Variants in RBFOX1 observed in about 807,000 individuals in gnomAD.
RBFOX1 encodes RNA binding protein fox-1 homolog 1.
In RBFOX1, 8 loss-of-function variants were observed where a neutral mutation model predicts 57.7. The observed-to-expected ratio is 0.14, with a 90% CI of 0.08 to 0.25. The LOEUF (loss-of-function observed/expected upper bound fraction) is 0.25. RBFOX1 is among the 10% of genes least tolerant of loss of function. RBFOX1 has a pLI of 1.00. For synonymous variants in RBFOX1, 326 were observed against 222.4 expected (o/e 1.47, Z -4.15); for missense variants, 611 against 548.5 (o/e 1.11, Z -1.14).
chr16:6,097,078 T>TGGC lies in RBFOX1; in HGVS notation c.-127+77088_-127+77089insCGG, dbSNP rs1386451550. ...GGTGGTTTCCCCCATACTGTTGTCA[T>TGGC]GGTGGTGAGTAAGTCTTACTAGATC... On this transcript the variant is annotated intron_variant, in intron 1 of 15. Transcript: ENST00000550418. The surrounding 1 kb of genome is among the most constrained non-coding windows in gnomAD (Gnocchi z 5.0). Among the ~76,000 whole-genome samples the TGGC allele has an allele frequency of 2.0e-5, 3 of 152,178 alleles. No individual in the cohort carries two copies. In the East Asian group the frequency reaches 5.8e-4, roughly 29 times the overall value.
At chr16:6,550,139 C>G (rs2096963427) in intron 2 of RBFOX1, among the ~76,000 whole-genome samples, 2 of 151,998 alleles carry the variant, frequency 1.3e-5, no homozygotes, top group Non-Finnish European at 2.9e-5. Flanking sequence ...CTCTCCCTCC[C>G]CTCTCTCTAT....
chr16:5,928,264 A>G (rs2058976140), intron 4 of RBFOX1, among the ~76,000 whole-genome samples: 1 of 151,816 alleles, frequency 6.6e-6, no homozygotes, highest in South Asian at 2.1e-4. Context: ...AATTGTTTGT[A>G]GAGACGGGGG....
rs112147662 is a variant in RBFOX1 at position 6,817,126 on chromosome 16, C to T, written c.-16+162476C>T. ...GTGGATACAGAACTGATGTATTAAC[C>T]TTTGACATGGCTGCAACCTGCTGAG... On this transcript the variant is annotated intron_variant, in intron 3 of 15. Coordinates refer to ENST00000550418, the MANE Select transcript of RBFOX1 (RefSeq NM_018723.4). Among the ~76,000 whole-genome samples the T allele has an allele frequency of 1.5e-3, 232 of 152,208 alleles. 1 individual carries two copies. The highest frequency in any genetic ancestry group is 5.4e-3 in the African/African-American group (224 of 41,534).
At chr16:7,705,364 G>A (rs1431006531) in intron 14 of RBFOX1, among the ~76,000 whole-genome samples, 1 of 152,116 alleles carries the variant, frequency 6.6e-6, no homozygotes, top group Non-Finnish European at 1.5e-5. Context: ...AATTAGCTGG[G>A]TGTGGTGGCA....
chr16:6,282,169 C>T (rs947239308), intron 1 of RBFOX1, among the ~76,000 whole-genome samples: 1 of 152,060 alleles, frequency 6.6e-6, no homozygotes, highest in Admixed American at 6.6e-5. Context: ...TTGACTGTTT[C>T]TTGGGAAAAA....
At chr16:7,081,045 C>T (rs760635245) in intron 4 of RBFOX1, among the ~76,000 whole-genome samples, 18 of 152,094 alleles carry the variant, frequency 1.2e-4, no homozygotes, top group Non-Finnish European at 2.6e-4. Flanking sequence ...CTTTATTTTA[C>T]TTTTTTTGAG....
rs1375252994 is a variant in RBFOX1 at position 5,896,958 on chromosome 16, C to T, written c.351+29623C>T. 2.0e-5 allele frequency among the ~76,000 whole-genome samples: 3 copies of T among 149,654 alleles called. No individual in the cohort carries two copies. The South Asian group carries it at 6.3e-4, about 31-fold the overall frequency. ...CATTCGTTTGAAAGCTACGTTACCC[C>T]CGCTATTTTTTTAAAATCATAAGGC... On this transcript the variant is annotated intron_variant, in intron 4 of 19. Coordinates refer to the RBFOX1 transcript ENST00000641259.
chr16:6,041,467 G>A (rs1456200358), intron 1 of RBFOX1, among the ~76,000 whole-genome samples: 1 of 152,086 alleles, frequency 6.6e-6, no homozygotes, highest in African/African-American at 2.4e-5. Context: ...CTTTCTTAGT[G>A]TTTTATATGT....
At chr16:5,469,436 G>A (rs1379002523) in intron 2 of RBFOX1, among the ~76,000 whole-genome samples, 1 of 152,156 alleles carries the variant, frequency 6.6e-6, no homozygotes, top group African/African-American at 2.4e-5. Context: ...CCTTATTCAC[G>A]TGCATTCATT....
At chr16:7,031,377 C>T (rs1433753448) in intron 3 of RBFOX1, among the ~76,000 whole-genome samples, 1 of 152,038 alleles carries the variant, frequency 6.6e-6, no homozygotes, top group East Asian at 1.9e-4. Flanking sequence ...AGGTGGATCA[C>T]TTGAGGTCAG....
At chr16:6,587,884 A>C (rs971416067) in intron 2 of RBFOX1, among the ~76,000 whole-genome samples, 2 of 152,180 alleles carry the variant, frequency 1.3e-5, no homozygotes, top group African/African-American at 4.8e-5. Flanking sequence ...TGAAAATTAC[A>C]GGCACCATGA....
chr16:6,849,588 G>A (rs542086938), intron 3 of RBFOX1, among the ~76,000 whole-genome samples: 2 of 152,182 alleles, frequency 1.3e-5, no homozygotes, highest in Admixed American at 6.5e-5. Flanking sequence ...AGAATTGCTT[G>A]AATGCAGGAG....
intron 4 of RBFOX1, among the ~76,000 whole-genome samples, chr16:5,953,979 G>A (rs1171219691): frequency 6.6e-6 from 1 of 152,088 alleles, no homozygotes; most frequent in East Asian, 1.9e-4. Flanking sequence ...GGGGACATTT[G>A]GAAATGTCTG....
At chr16:7,094,795 G>GTGTGTGTGTGT (rs1567232876) in intron 4 of RBFOX1, among the ~76,000 whole-genome samples, 2 of 82,236 alleles carry the variant, frequency 2.4e-5, no homozygotes, top group Non-Finnish European at 3.3e-5. Context: ...TGTGTGTTGA[G>GTGTGTGTGTGT]AGAGAGAGAG....
intron 4 of RBFOX1, among the ~76,000 whole-genome samples, chr16:5,970,718 A>C (rs188747630): frequency 6.6e-6 from 1 of 152,182 alleles, no homozygotes; most frequent in African/African-American, 2.4e-5. Context: ...TCTTTTAGAG[A>C]AAGGACCCTG....
chr16:7,101,171 A>G (rs144108452), intron 4 of RBFOX1, among the ~76,000 whole-genome samples: 134 of 152,310 alleles, frequency 8.8e-4, no homozygotes, highest in African/African-American at 3.0e-3. Flanking sequence ...AGTCAGAGCT[A>G]TGCATGCAGG....
chr16:7,664,626 A>G, intron 12 of RBFOX1: 1 of 415,890 alleles, frequency 2.4e-6, no homozygotes, highest in African/African-American at 2.0e-5. Context: ...CTTAAATCTC[A>G]GTCCTCTTTG....
At chr16:6,239,527 C>G (rs537287866) in intron 1 of RBFOX1, among the ~76,000 whole-genome samples, 6 of 102,360 alleles carry the variant, frequency 5.9e-5, no homozygotes, top group African/African-American at 2.2e-4. Context: ...GAGATAGAGT[C>G]TTGCTCTTTC....
At chr16:7,049,358 C>T (rs1341288953) in intron 3 of RBFOX1, among the ~76,000 whole-genome samples, 1 of 152,152 alleles carries the variant, frequency 6.6e-6, no homozygotes, top group Non-Finnish European at 1.5e-5. Flanking sequence ...TAAGTGTCTG[C>T]AGCCACCCCT....
Sources: gnomAD v4.1 joint callset for allele counts (sites outside exome capture counted in the v4.1 genomes callset) on GRCh38, gnomAD v4.1.1 for gene constraint, Gnocchi (gnomAD v3.1) non-coding constraint, MANE v1.5 for transcripts, NCBI Gene and HGNC (gene_info 2026-07-23, HGNC 2026-07-21) for gene names.